Variants in KIAA0753 observed in about 807,000 individuals in gnomAD.
The protein encoded by KIAA0753 is protein moonraker.
A neutral mutation model predicts 116.9 loss-of-function variants in KIAA0753; 114 were observed. The observed-to-expected ratio is 0.98, with a 90% CI of 0.84 to 1.14. KIAA0753 has a LOEUF of 1.14. KIAA0753 is among the 50% of genes most tolerant of loss of function. KIAA0753 has a pLI of 0.00. For missense variants in KIAA0753, 1,156 were observed against 1,172.4 expected (o/e 0.99, Z 0.20); for synonymous variants, 405 against 413.1 (o/e 0.98, Z 0.24).
chr17:6,587,002 AG>A (rs1968623244), intron 18 of KIAA0753, among the ~76,000 whole-genome samples: 1 of 152,196 alleles, frequency 6.6e-6, no homozygotes, highest in Non-Finnish European at 1.5e-5. Flanking sequence ...TGAGAGGCTG[AG>A]GCGGGTGGAT....
rs1225375578 is a variant in KIAA0753, at chr17:6,612,033, T to C, written c.1431A>G (p.Ala477=). ...EEGPFILDQS[A]SFKDEVLAVA... ...CGGCTAACACCTCGTCTTTGAAGCT[T>C]GCACTTTGGTCTAGAATAAATGGTC... Residue 477 remains alanine, a synonymous_variant, in exon 8 of 19, where the codon GCA becomes GCG. Transcript: ENST00000361413. 1 of 1,614,194 alleles carries C rather than the reference T, an allele frequency of 6.2e-7. No individual in the cohort carries two copies. Among genetic ancestry groups the C allele is most frequent in the Non-Finnish European group, 8.5e-7 (1 of 1,179,996 alleles).
At chr17:6,580,626 T>C (rs994496677) in intron 18 of KIAA0753, among the ~76,000 whole-genome samples, 1 of 152,050 alleles carries the variant, frequency 6.6e-6, no homozygotes, top group African/African-American at 2.4e-5. Context: ...AAGATACTTT[T>C]GAAGAAGAAA....
At chr17:6,585,479 TTTTTCCC>T (rs1968513729) in intron 18 of KIAA0753, among the ~76,000 whole-genome samples, 1 of 152,192 alleles carries the variant, frequency 6.6e-6, no homozygotes, top group South Asian at 2.1e-4. Flanking sequence ...TCCTTTTTCC[TTTTTCCC>T]ACATTCTGGA....
rs572649399 is a variant in KIAA0753 at position 6,609,192 on chromosome 17, G to T, written c.1713-728C>A. 5.3e-5 allele frequency among the ~76,000 whole-genome samples: 8 copies of T among 152,286 alleles called. No homozygotes were observed. In the South Asian group the frequency reaches 1.7e-3, roughly 32 times the overall value. ...TCTCTTCCACCAAGCTGCTCACCCT[G>T]ACTTCTGATGGCTCCAAAGACAGAA... On this transcript the variant is annotated intron_variant, in intron 9 of 18. Coordinates refer to ENST00000361413, the MANE Select transcript of KIAA0753 (RefSeq NM_014804.3).
intron 15 of KIAA0753, among the ~76,000 whole-genome samples, chr17:6,595,428 C>A (rs1221534125): frequency 1.3e-5 from 2 of 152,058 alleles, no homozygotes; most frequent in African/African-American, 4.8e-5. Flanking sequence ...CGGGCCTAGA[C>A]AACTATCACC....
At chr17:6,605,775 G>A (rs1167705531) in intron 12 of KIAA0753, among the ~76,000 whole-genome samples, 6 of 152,182 alleles carry the variant, frequency 3.9e-5, no homozygotes, top group East Asian at 3.9e-4. Context: ...GGCAACGGTC[G>A]ATTCCTTGAC....
chr17:6,581,841 T>C (rs1177627619), intron 18 of KIAA0753, among the ~76,000 whole-genome samples: 1 of 152,230 alleles, frequency 6.6e-6, no homozygotes, highest in East Asian at 1.9e-4. Flanking sequence ...CCATCTTTCT[T>C]TGAGCACTTC....
At chr17:6,589,419 A>G (rs115743214) in intron 18 of KIAA0753, among the ~76,000 whole-genome samples, 3,129 of 152,290 alleles carry the variant, frequency 0.021, 103 homozygotes, top group African/African-American at 0.07. Context: ...TAAGTCACGC[A>G]GTCGATGGTA....
intron 15 of KIAA0753, 41 bp downstream of exon 15, chr17:6,596,117 A>G (rs1412369835): frequency 1.3e-6 from 2 of 1,589,970 alleles, no homozygotes; most frequent in Non-Finnish European, 1.7e-6. Flanking sequence ...GGCAGAGGCC[A>G]GCCCCTAGCA....
At chr17:6,611,890 T>C (rs762927207) in intron 8 of KIAA0753, 29 bp downstream of exon 8, 3 of 1,589,820 alleles carry the variant, frequency 1.9e-6, no homozygotes, top group Admixed American at 1.7e-5. Flanking sequence ...TTAACACAAA[T>C]GGGCCAAAAG....
intron 18 of KIAA0753, among the ~76,000 whole-genome samples, chr17:6,588,011 T>C (rs1192703808): frequency 1.3e-5 from 2 of 152,038 alleles, no homozygotes; most frequent in Non-Finnish European, 2.9e-5. Context: ...TAAAACATCG[T>C]GAAGGCTCAG....
chr17:6,623,830 T>C, intron 4 of KIAA0753: 1 of 332,072 alleles, frequency 3.0e-6, no homozygotes, highest in Non-Finnish European at 5.4e-6. Context: ...GGAGTGAAGG[T>C]GGAGGTGACT....
chr17:6,626,443 T>C (rs1971669462), intron 3 of KIAA0753, among the ~76,000 whole-genome samples: 4 of 152,218 alleles, frequency 2.6e-5, no homozygotes, highest in Admixed American at 2.6e-4. Flanking sequence ...AGACCCTATA[T>C]GTCTAATTAC....
At chr17:6,615,846 A>G (rs2034090) in intron 7 of KIAA0753, among the ~76,000 whole-genome samples, 46,438 of 151,930 alleles carry the variant, frequency 0.31, 7,987 homozygotes, top group Admixed American at 0.39. Flanking sequence ...AACCAATTTA[A>G]GAACAGTTCA....
chr17:6,604,718 T>C (rs1054100648), intron 12 of KIAA0753, among the ~76,000 whole-genome samples: 2 of 151,964 alleles, frequency 1.3e-5, no homozygotes, highest in Admixed American at 6.6e-5. Flanking sequence ...GTATCTCGAC[T>C]ATACCAATGT....
chr17:6,618,615 G>C (rs1468175860), intron 7 of KIAA0753, among the ~76,000 whole-genome samples: 2 of 152,176 alleles, frequency 1.3e-5, no homozygotes, highest in African/African-American at 2.4e-5. Flanking sequence ...GTGAAGTATT[G>C]AGAGTCTTAC....
chr17:6,618,821 A>T (rs1971105059), intron 7 of KIAA0753, among the ~76,000 whole-genome samples: 1 of 152,242 alleles, frequency 6.6e-6, no homozygotes. Flanking sequence ...AATTACAACA[A>T]AGAAAAAAAC....
At position 6,611,941 on chromosome 17, in the gene KIAA0753, G is replaced by C; in HGVS notation, c.1523C>G (p.Thr508Ser). The C allele has an allele frequency of 1.2e-6, 2 of 1,613,888 alleles. No individual in the cohort carries two copies. The highest frequency in any genetic ancestry group is 1.7e-6 in the Non-Finnish European group (2 of 1,179,928). Residue 508 changes from threonine (T) to serine (S), a missense_variant, in exon 8 of 19, where the codon ACT becomes AGT. Transcript: ENST00000361413. ...TENVPFRKKD[T>S]LAPARQQGLR... The stretch of plus-strand genomic sequence containing the variant: ...TACTTGCTGTCTTGCTGGCGCCAGA[G>C]TATCTTTCTTCCTAAACGGCACATT...
Position 6,599,363 on chromosome 17 carries a change from T to C in KIAA0753, c.2089-43A>G, listed in dbSNP as rs757856407. On this transcript the variant is annotated intron_variant, in intron 13 of 18. Transcript: ENST00000361413. The stretch of plus-strand genomic sequence containing the variant: ...TACATTCATGGAGTATAAAGACTTA[T>C]AGCTCCTATTAGTACAAATGAATTC... 4.9e-6 allele frequency: 6 copies of C among 1,236,796 alleles called. No homozygotes were observed. The East Asian group carries it at 1.2e-4, about 24-fold the overall frequency. The allele number at this position is 1,236,796 out of a possible 1,614,324, so 76.6% of individuals were successfully genotyped here.
Sources: gnomAD v4.1 joint callset for allele counts (sites outside exome capture counted in the v4.1 genomes callset) on GRCh38, gnomAD v4.1.1 for gene constraint, MANE v1.5 for transcripts, NCBI Gene and HGNC (gene_info 2026-07-23, HGNC 2026-07-21) for gene names.